The following PKP4 variants were observed in gnomAD, a reference collection of about 807,000 sequenced individuals.
PKP4 encodes the protein plakophilin 4.
Under a neutral mutation model 145.1 loss-of-function variants are expected in PKP4, and 90 were observed. The observed-to-expected ratio is 0.62, with a 90% confidence interval of 0.52 to 0.74. The LOEUF (loss-of-function observed/expected upper bound fraction) is 0.74. Ranked by LOEUF, PKP4 falls within the 30% of genes least tolerant of loss-of-function variation. The pLI, the probability that PKP4 is intolerant of heterozygous loss-of-function variation, is 0.00. For missense variants in PKP4, 1,340 were observed against 1,482.7 expected (o/e 0.90, Z 1.58); for synonymous variants, 563 against 577.2 (o/e 0.98, Z 0.35).
At chr2:158,581,138 C>T (rs2048299233) in intron 3 of PKP4, among the ~76,000 whole-genome samples, 1 of 152,170 alleles carries the variant, frequency 6.6e-6, no homozygotes, top group Non-Finnish European at 1.5e-5. Flanking sequence ...TTTCAATTGT[C>T]AGTCTTGGAA....
intron 1 of PKP4, among the ~76,000 whole-genome samples, chr2:158,463,695 T>G (rs1690145470): frequency 6.6e-6 from 1 of 152,178 alleles, no homozygotes; most frequent in Non-Finnish European, 1.5e-5. Context: ...ATTTCGCAAC[T>G]CTTAGAACAT....
intron 6 of PKP4, among the ~76,000 whole-genome samples, chr2:158,624,624 G>T (rs1298344317): frequency 8.8e-5 from 13 of 147,522 alleles, no homozygotes; most frequent in Non-Finnish European, 1.9e-4. Context: ...AGTATTAAAT[G>T]TCTTCAGATC....
chr2:158,598,502 T>C (rs1217667672), intron 3 of PKP4, among the ~76,000 whole-genome samples: 1 of 152,190 alleles, frequency 6.6e-6, no homozygotes, highest in East Asian at 1.9e-4. Flanking sequence ...GCGTGGTGGC[T>C]CACGCCTGTA....
chr2:158,483,229 T>C (rs1406120086), intron 1 of PKP4, among the ~76,000 whole-genome samples: 1 of 152,218 alleles, frequency 6.6e-6, no homozygotes, highest in African/African-American at 2.4e-5. Flanking sequence ...GGAATTTTTT[T>C]CCTCAATTAT....
At chr2:158,472,055 ATTAG>A (rs1264635570) in intron 1 of PKP4, among the ~76,000 whole-genome samples, 4 of 152,166 alleles carry the variant, frequency 2.6e-5, no homozygotes, top group Admixed American at 1.3e-4. Flanking sequence ...AGAATATATA[ATTAG>A]TTAGATTGAA....
chr2:158,466,321 G>GA, intron 1 of PKP4, among the ~76,000 whole-genome samples: 1 of 152,022 alleles, frequency 6.6e-6, no homozygotes, highest in East Asian at 1.9e-4. Flanking sequence ...TGTTTCAAAG[G>GA]AAAAAACTAT....
At chr2:158,570,734 A>G (rs893629802) in intron 2 of PKP4, among the ~76,000 whole-genome samples, 8 of 152,190 alleles carry the variant, frequency 5.3e-5, no homozygotes, top group African/African-American at 1.2e-4. Context: ...AAAAATTACT[A>G]TGTATTTTAT....
intron 1 of PKP4, among the ~76,000 whole-genome samples, chr2:158,498,814 G>GT (rs34272669): frequency 0.012 from 1,541 of 131,134 alleles, 13 homozygotes; most frequent in African/African-American, 0.032. Flanking sequence ...GGTTGTGAGT[G>GT]TTTTTTTTTT....
intron 6 of PKP4, among the ~76,000 whole-genome samples, chr2:158,623,060 C>T (rs1162244594): frequency 2.6e-5 from 4 of 152,176 alleles, no homozygotes; most frequent in South Asian, 4.1e-4. Context: ...CTAGGCAACA[C>T]ATTTTCTAGT....
chr2:158,654,190 C>T (rs1328970441), intron 11 of PKP4, among the ~76,000 whole-genome samples: 1 of 152,178 alleles, frequency 6.6e-6, no homozygotes, highest in Non-Finnish European at 1.5e-5. Context: ...CCGAAGGTTG[C>T]AACTCTTTGT....
chr2:158,626,577 G>A (rs549376826), intron 7 of PKP4, among the ~76,000 whole-genome samples: 10 of 152,280 alleles, frequency 6.6e-5, no homozygotes, highest in African/African-American at 2.2e-4. Context: ...GAGATATTAC[G>A]TAGAATTGCC....
chr2:158,653,142 A>G (rs926115590), intron 11 of PKP4, among the ~76,000 whole-genome samples: 4 of 152,228 alleles, frequency 2.6e-5, no homozygotes, highest in African/African-American at 9.7e-5. Context: ...AATGCTGTCT[A>G]AAAATGAGTG....
At chr2:158,601,525 C>G (rs2050226588) in intron 3 of PKP4, among the ~76,000 whole-genome samples, 1 of 152,172 alleles carries the variant, frequency 6.6e-6, no homozygotes, top group Non-Finnish European at 1.5e-5. Flanking sequence ...ATGGCCTACC[C>G]TTAGGAGCAA....
chr2:158,612,638 G>A (rs1044684979), intron 4 of PKP4, among the ~76,000 whole-genome samples: 13 of 152,066 alleles, frequency 8.5e-5, no homozygotes, highest in African/African-American at 2.9e-4. Context: ...CCAGAGTACA[G>A]GAATGTAAAT....
chr2:158,461,416 T>A (rs1689749154), intron 1 of PKP4, among the ~76,000 whole-genome samples: 1 of 152,244 alleles, frequency 6.6e-6, no homozygotes, highest in East Asian at 1.9e-4. Flanking sequence ...CATTATAGTT[T>A]ATTATGACTC....
chr2:158,584,036 C>A (rs2048572120), intron 3 of PKP4, among the ~76,000 whole-genome samples: 1 of 152,160 alleles, frequency 6.6e-6, no homozygotes, highest in African/African-American at 2.4e-5. Flanking sequence ...AGCCGCCTTT[C>A]TGGCCGCATT....
intron 2 of PKP4, among the ~76,000 whole-genome samples, chr2:158,558,238 C>T (rs1262811873): frequency 6.6e-6 from 1 of 152,126 alleles, no homozygotes; most frequent in Non-Finnish European, 1.5e-5. Context: ...TAACAGGTAG[C>T]ACATAGTACA....
intron 2 of PKP4, among the ~76,000 whole-genome samples, chr2:158,561,097 G>A (rs1043121069): frequency 9.9e-5 from 15 of 152,084 alleles, no homozygotes; most frequent in South Asian, 4.1e-4. Flanking sequence ...ATTTGATGAC[G>A]CCTGAAAATT....
chr2:158,465,704 A>G (rs933870148), intron 1 of PKP4, among the ~76,000 whole-genome samples: 1 of 152,222 alleles, frequency 6.6e-6, no homozygotes, highest in Non-Finnish European at 1.5e-5. Context: ...AAATGGTCTC[A>G]TTGAATCTTA....
Sources: allele counts gnomAD v4.1 joint callset (sites outside exome capture counted in the v4.1 genomes callset), GRCh38; gene constraint gnomAD v4.1.1; transcripts MANE v1.5; gene names NCBI Gene and HGNC (gene_info 2026-07-23, HGNC 2026-07-21).